Variants in AQR observed in about 807,000 individuals in gnomAD.
AQR encodes RNA helicase aquarius.
A neutral mutation model predicts 180.5 loss-of-function variants in AQR; 61 were observed. The ratio of observed to expected loss-of-function variants is 0.34; its 90% CI spans 0.28 to 0.42. The LOEUF (loss-of-function observed/expected upper bound fraction) is 0.42, where lower values mean the gene tolerates loss of function less well. Ranked by LOEUF, AQR falls within the 10% of genes least tolerant of loss-of-function variation. The probability of loss-of-function intolerance (pLI) is 1.00; values close to 1 mark genes in which losing one functional copy is unlikely to be tolerated. For missense variants in AQR, 1,281 were observed against 1,798.3 expected (o/e 0.71, Z 5.20); for synonymous variants, 551 against 588.8 (o/e 0.94, Z 0.93).
chr15:34,969,463 A>C, intron 1 of AQR, 76 bp downstream of exon 1: 1 of 1,534,960 alleles, frequency 6.5e-7, no homozygotes, highest in Non-Finnish European at 8.9e-7. Context: ...TAAATCCTGA[A>C]AAAAAACCCC....
chr15:34,942,569 G>A (rs1894040735), intron 6 of AQR, among the ~76,000 whole-genome samples: 1 of 152,230 alleles, frequency 6.6e-6, no homozygotes, highest in South Asian at 2.1e-4. Flanking sequence ...GTTCATGGGT[G>A]CAAGAAGGCT....
intron 28 of AQR, among the ~76,000 whole-genome samples, chr15:34,875,317 AT>A (rs1892875204): frequency 6.6e-6 from 1 of 152,156 alleles, no homozygotes; most frequent in African/African-American, 2.4e-5. Context: ...TACTACTTCA[AT>A]TTCCTACTCT....
Position 34,854,640 on chromosome 15 carries a change from C to T in AQR, c.*2152G>A, listed in dbSNP as rs913972728. On this transcript the variant is annotated 3_prime_UTR_variant, in exon 35 of 35. Coordinates refer to ENST00000156471, the MANE Select transcript of AQR (RefSeq NM_014691.3). Reference sequence around the variant, plus strand: ...GTTTAAAAGAATTCAAATCCCACCACCTTTACCCTTTCTAAATTCTTTTGA... The same window carrying T: ...GTTTAAAAGAATTCAAATCCCACCATCTTTACCCTTTCTAAATTCTTTTGA... 1 of 152,206 alleles carries T rather than the reference C, an allele frequency of 6.6e-6. No individual in the cohort carries two copies. Among genetic ancestry groups the T allele is most frequent in the Non-Finnish European group, 1.5e-5 (1 of 68,040 alleles). The allele number at this position is 152,206 out of a possible 1,614,324, so 9.4% of individuals were successfully genotyped here. A position where few individuals can be genotyped will look rare whatever the true frequency, so the allele number is the denominator to read the frequency against.
At chr15:34,913,720 A>C (rs1057011051) in intron 16 of AQR, among the ~76,000 whole-genome samples, 2 of 152,244 alleles carry the variant, frequency 1.3e-5, no homozygotes, top group Non-Finnish European at 2.9e-5. Flanking sequence ...TTAGGCCCAG[A>C]ATCTGAGCAT....
chr15:34,852,337 A>G lies in AQR; in HGVS notation c.*4455T>C, dbSNP rs1892526542. ...AGGTGCCTGCCACCATGGCTGGCTA[A>G]TTTTTGTCTTTTTAGTAGAGACGGG... On this transcript the variant is annotated 3_prime_UTR_variant, in exon 35 of 35. Coordinates refer to ENST00000156471, the MANE Select transcript of AQR (RefSeq NM_014691.3). 6.6e-6 allele frequency: 1 copy of G among 152,084 alleles called. No homozygotes were observed. The highest frequency in any genetic ancestry group is 1.5e-5 in the Non-Finnish European group (1 of 68,038). 9.4% of individuals were successfully genotyped at this position (152,084 alleles called of 1,614,324 possible).
At chr15:34,892,271 T>G (rs1160899700) in intron 23 of AQR, among the ~76,000 whole-genome samples, 1 of 152,200 alleles carries the variant, frequency 6.6e-6, no homozygotes, top group Non-Finnish European at 1.5e-5. Context: ...AGTCCCTTCA[T>G]GTAATACAGG....
In AQR at chr15:34,910,145, A is replaced by G. The variant is rs1387101088; in HGVS notation, c.1653T>C (p.Asp551=). The G allele has an allele frequency of 6.2e-7, 1 of 1,614,058 alleles. No homozygotes were observed. Among genetic ancestry groups the G allele is most frequent in the Non-Finnish European group, 8.5e-7 (1 of 1,179,920 alleles). The part of the protein sequence containing the change: ...INLNVRDHIK[D]EWEGLRKHDV... The stretch of plus-strand genomic sequence containing the variant: ...GAAATACAAACTTACCTTCCCATTC[A>G]TCTTTGATGTGATCTCTGACATTGA... Residue 551 remains aspartate (D), a synonymous_variant, in exon 17 of 35, where the codon GAT becomes GAC. Coordinates refer to ENST00000156471, the MANE Select transcript of AQR (RefSeq NM_014691.3).
At position 34,910,162 on chromosome 15, in the gene AQR, T is replaced by G. The variant is rs1380817444; in HGVS notation, c.1636A>C (p.Arg546=). ...RADVTINLNV[R]DHIKDEWEGL... is the part of the protein sequence containing the mutation. ...TCCCATTCATCTTTGATGTGATCTC[T>G]GACATTGAGATTTATGGTAACATCT... The change falls in exon 17 of 35, where the codon AGA becomes CGA. Residue 546 remains arginine, a synonymous_variant. Coordinates refer to ENST00000156471, the MANE Select transcript of AQR (RefSeq NM_014691.3). 6.2e-7 allele frequency: 1 copy of G among 1,614,238 alleles called. No individual in the cohort carries two copies. Among genetic ancestry groups the G allele is most frequent in the South Asian group, 1.1e-5 (1 of 91,090 alleles).
At chr15:34,885,205 C>A (rs975735892) in intron 25 of AQR, among the ~76,000 whole-genome samples, 25 of 152,244 alleles carry the variant, frequency 1.6e-4, no homozygotes, top group Admixed American at 3.9e-4. Flanking sequence ...TTTTTTAGAA[C>A]ATTTATAAAG....
chr15:34,878,244 G>C (rs1892914431), intron 27 of AQR, among the ~76,000 whole-genome samples: 1 of 151,880 alleles, frequency 6.6e-6, no homozygotes, highest in Non-Finnish European at 1.5e-5. Context: ...AAGTTGGTTG[G>C]GTGTGGTGGC....
At chr15:34,942,170 C>G in intron 6 of AQR, 90 bp from the exon 7 acceptor site, 1 of 845,086 alleles carries the variant, frequency 1.2e-6, no homozygotes, top group South Asian at 2.4e-5. Flanking sequence ...TTTTTAAGTC[C>G]TGGAGGGAAA....
At chr15:34,917,618 G>C (rs112215253) in intron 15 of AQR, among the ~76,000 whole-genome samples, 1 of 151,980 alleles carries the variant, frequency 6.6e-6, no homozygotes, top group East Asian at 1.9e-4. Flanking sequence ...AAAAACAAAA[G>C]CTCTATCAAA....
chr15:34,938,142 T>G (rs1893971257), intron 9 of AQR, among the ~76,000 whole-genome samples: 1 of 152,120 alleles, frequency 6.6e-6, no homozygotes, highest in Non-Finnish European at 1.5e-5. Flanking sequence ...TCTTCACAAC[T>G]GTATCCCAGC....
chr15:34,860,101 C>A lies in AQR; in HGVS notation c.4084G>T (p.Ala1362Ser). ...VQIIKNMPQM[A>S]NFVYNMYMHL... ...ATGTACATGTTGTATACAAAGTTTG[C>A]CATCTGGGGCATATTTTTTATTATT... The change falls in exon 34 of 35, where the codon GCA becomes TCA. Residue 1362 changes from alanine to serine, a missense_variant. By Grantham distance (99) the Ala-to-Ser change is moderately conservative. Coordinates refer to ENST00000156471, the MANE Select transcript of AQR (RefSeq NM_014691.3). 6.6e-7 allele frequency: 1 copy of A among 1,520,206 alleles called. No individual in the cohort carries two copies. The highest frequency in any genetic ancestry group is 8.9e-7 in the Non-Finnish European group (1 of 1,121,808). The allele number at this position is 1,520,206 out of a possible 1,614,324, so 94.2% of individuals were successfully genotyped here. A position where few individuals can be genotyped will look rare whatever the true frequency, so the allele number is the denominator to read the frequency against.
At chr15:34,887,988 G>C (rs1893088315) in intron 24 of AQR, among the ~76,000 whole-genome samples, 1 of 152,180 alleles carries the variant, frequency 6.6e-6, no homozygotes, top group African/African-American at 2.4e-5. Flanking sequence ...AAATTTTTGT[G>C]AAGTAATGTT....
chr15:34,946,904 G>T (rs1487554417), intron 5 of AQR, among the ~76,000 whole-genome samples: 3 of 148,240 alleles, frequency 2.0e-5, no homozygotes, highest in Middle Eastern at 3.6e-3. Context: ...TCAGCCCCCC[G>T]TCCGGCCAGC....
intron 27 of AQR, among the ~76,000 whole-genome samples, chr15:34,880,765 G>A (rs910432073): frequency 6.6e-6 from 1 of 152,164 alleles, no homozygotes; most frequent in Non-Finnish European, 1.5e-5. Flanking sequence ...TCCTTTGGGT[G>A]AGCACAGAAT....
At position 34,930,270 on chromosome 15, in the gene AQR, A is replaced by G. The variant is rs1430222793; in HGVS notation, c.1002T>C (p.Ile334=). The part of the protein sequence containing the change: ...NEMTTIHYDR[I]TSLQRAAFAH... The stretch of plus-strand genomic sequence containing the variant: ...GTATTTTAATTACCTGTAGAGAAGT[A>G]ATTCTATCATAGTGAATTGTGGTCA... Residue 334 remains isoleucine (I), a synonymous_variant, in exon 12 of 35, where the codon ATT becomes ATC. Transcript: ENST00000156471. The G allele has an allele frequency of 6.3e-7, 1 of 1,590,810 alleles. No homozygotes were observed. The highest frequency in any genetic ancestry group is 8.6e-7 in the Non-Finnish European group (1 of 1,160,130).
chr15:34,937,808 C>T (rs1893966509), intron 9 of AQR, among the ~76,000 whole-genome samples: 1 of 151,950 alleles, frequency 6.6e-6, no homozygotes, highest in Non-Finnish European at 1.5e-5. Flanking sequence ...TGCTTGATCC[C>T]AGGAGACGGA....
Sources: allele counts gnomAD v4.1 joint callset (sites outside exome capture counted in the v4.1 genomes callset), GRCh38; gene constraint gnomAD v4.1.1; transcripts MANE v1.5; gene names NCBI Gene and HGNC (gene_info 2026-07-23, HGNC 2026-07-21).